The following MEGF10 variants were observed in gnomAD, a reference collection of about 807,000 sequenced individuals.
The protein encoded by MEGF10 is multiple EGF like domains 10.
In MEGF10, 86 loss-of-function variants were observed where a neutral mutation model predicts 147.5. The ratio of observed to expected loss-of-function variants is 0.58; its 90% confidence interval spans 0.49 to 0.70. The LOEUF is 0.70. MEGF10 is among the 30% of genes least tolerant of loss of function. The pLI, the probability that MEGF10 is intolerant of heterozygous loss-of-function variation, is 0.00. For synonymous variants in MEGF10, 478 were observed against 525.5 expected (o/e 0.91, Z 1.24); for missense variants, 1,329 against 1,487.3 (o/e 0.89, Z 1.75).
chr5:127,312,509 G>A (rs1422317), intron 1 of MEGF10, among the ~76,000 whole-genome samples: 65,911 of 151,950 alleles, frequency 0.43, 16,531 homozygotes, highest in Middle Eastern at 0.59. Flanking sequence ...ACCCCCAATC[G>A]CACAGAGTTT....
intron 13 of MEGF10, among the ~76,000 whole-genome samples, chr5:127,423,421 C>T (rs1765097160): frequency 6.6e-6 from 1 of 152,162 alleles, no homozygotes; most frequent in African/African-American, 2.4e-5. Flanking sequence ...TACAGACTTG[C>T]TAAGATATTT....
chr5:127,284,515 G>C, the MEGF10 span, among the ~76,000 whole-genome samples: 1 of 152,058 alleles, frequency 6.6e-6, no homozygotes, highest in Non-Finnish European at 1.5e-5. Flanking sequence ...CAGGTGAAGT[G>C]GTAGAGAGAG....
intron 12 of MEGF10, 104 bp downstream of exon 12, chr5:127,420,311 A>G: frequency 2.3e-6 from 3 of 1,307,412 alleles, no homozygotes; most frequent in Non-Finnish European, 3.1e-6. Flanking sequence ...CTCACTGTGA[A>G]CCCAACTTCG....
upstream of MEGF10, among the ~76,000 whole-genome samples, chr5:127,288,803 C>T (rs919910031): frequency 1.3e-5 from 2 of 152,132 alleles, no homozygotes. Context: ...TTCATAATAA[C>T]CCCATATTGA....
intron 13 of MEGF10, chr5:127,424,532 G>C (rs769240878): frequency 8.0e-5 from 114 of 1,426,564 alleles, no homozygotes; most frequent in Admixed American, 2.0e-4. Flanking sequence ...CTCTTCAGTA[G>C]TGTCTCTCAG....
chr5:127,457,041 G>T, intron 24 of MEGF10, 87 bp from the exon 25 acceptor site: 1 of 1,297,736 alleles, frequency 7.7e-7, no homozygotes, highest in Non-Finnish European at 1.1e-6. Context: ...AAGTCCCTTT[G>T]GTGTGTTTGA....
intron 14 of MEGF10, 91 bp downstream of exon 14, chr5:127,433,600 G>C: frequency 6.9e-7 from 1 of 1,453,808 alleles, no homozygotes; most frequent in Non-Finnish European, 9.3e-7. Flanking sequence ...TCAGTTTATA[G>C]TGATGTCCTG....
At chr5:127,276,763 G>A in the MEGF10 span, among the ~76,000 whole-genome samples, 2 of 152,234 alleles carry the variant, frequency 1.3e-5, no homozygotes, top group South Asian at 4.2e-4. Context: ...GTGGGAGAAA[G>A]ACATAGCAAA....
the MEGF10 span, among the ~76,000 whole-genome samples, chr5:127,234,938 G>A: frequency 2.0e-5 from 3 of 151,842 alleles, no homozygotes; most frequent in East Asian, 5.8e-4. Flanking sequence ...CCACCTCCCT[G>A]GTTCAAGCAA....
At chr5:127,290,722 G>A (rs1759210037), upstream of MEGF10, 1 of 153,106 alleles carries the variant, frequency 6.5e-6, no homozygotes, top group Non-Finnish European at 1.5e-5. Context: ...AGCAGCAGCT[G>A]CAGCAGCGGC....
At chr5:127,386,638 GT>G (rs1417326412) in intron 5 of MEGF10, among the ~76,000 whole-genome samples, 2 of 152,124 alleles carry the variant, frequency 1.3e-5, no homozygotes, top group Admixed American at 1.3e-4. Flanking sequence ...TCCAAGCCTT[GT>G]TTTTTTCTTG....
At chr5:127,334,955 T>C (rs1761405633) in intron 2 of MEGF10, among the ~76,000 whole-genome samples, 2 of 152,294 alleles carry the variant, frequency 1.3e-5, no homozygotes, top group Non-Finnish European at 2.9e-5. Flanking sequence ...TGATAATGTC[T>C]TCCTCCCCTT....
At chr5:127,315,258 G>T (rs896072902) in intron 1 of MEGF10, among the ~76,000 whole-genome samples, 5 of 152,006 alleles carry the variant, frequency 3.3e-5, no homozygotes, top group African/African-American at 1.2e-4. Context: ...TAATTATCTT[G>T]ATATTAATGT....
the MEGF10 span, among the ~76,000 whole-genome samples, chr5:127,272,657 TG>T: frequency 2.6e-5 from 4 of 152,226 alleles, no homozygotes; most frequent in Non-Finnish European, 4.4e-5. Flanking sequence ...CCTTGTTAGC[TG>T]TATTCCTTGG....
At chr5:127,355,455 G>C (rs760859794) in intron 4 of MEGF10, among the ~76,000 whole-genome samples, 9 of 152,100 alleles carry the variant, frequency 5.9e-5, no homozygotes, top group Non-Finnish European at 1.2e-4. Flanking sequence ...ACCTACCCAT[G>C]ATGCCCTCCC....
At chr5:127,375,654 G>A (rs1762997558) in intron 5 of MEGF10, among the ~76,000 whole-genome samples, 1 of 152,016 alleles carries the variant, frequency 6.6e-6, no homozygotes. Flanking sequence ...CTCTAGCTCT[G>A]TTCTTCCCCC....
At chr5:127,230,745 T>C in the MEGF10 span, among the ~76,000 whole-genome samples, 1 of 152,198 alleles carries the variant, frequency 6.6e-6, no homozygotes, top group African/African-American at 2.4e-5. Flanking sequence ...TGTTTGCCAA[T>C]ACCACGTAGG....
intron 1 of MEGF10, among the ~76,000 whole-genome samples, chr5:127,327,775 C>G (rs1761097168): frequency 1.3e-5 from 2 of 148,338 alleles, no homozygotes; most frequent in African/African-American, 5.0e-5. Context: ...AGTGCAATGG[C>G]ACGATCTTGG....
intron 4 of MEGF10, among the ~76,000 whole-genome samples, chr5:127,355,771 A>G (rs1400495679): frequency 6.6e-6 from 1 of 152,228 alleles, no homozygotes; most frequent in Non-Finnish European, 1.5e-5. Context: ...ATAGAAACTA[A>G]GAATTTAATT....
Sources: gnomAD v4.1 joint callset for allele counts (sites outside exome capture counted in the v4.1 genomes callset) on GRCh38, gnomAD v4.1.1 for gene constraint, MANE v1.5 for transcripts, NCBI Gene and HGNC (gene_info 2026-07-23, HGNC 2026-07-21) for gene names.